The following RHPN1 variants were observed in gnomAD, a reference collection of about 807,000 sequenced individuals.
The protein encoded by RHPN1 is rhophilin-1.
A neutral mutation model predicts 74.7 loss-of-function variants in RHPN1; 77 were observed. The observed-to-expected ratio is 1.03, with a 90% CI of 0.86 to 1.25. The LOEUF (loss-of-function observed/expected upper bound fraction) is 1.25. RHPN1 is among the 50% of genes most tolerant of loss of function. The pLI, the probability that RHPN1 is intolerant of heterozygous loss-of-function variation, is 0.00. For synonymous variants in RHPN1, 444 were observed against 414.5 expected (o/e 1.07, Z -0.87); for missense variants, 987 against 932.2 (o/e 1.06, Z -0.77).
upstream of RHPN1, chr8:143,367,065 G>A (rs995307521): frequency 1.3e-5 from 2 of 152,288 alleles, no homozygotes; most frequent in Non-Finnish European, 2.9e-5. Context: ...CGAAGGGGGT[G>A]GGTGAAGGTC....
At chr8:143,379,716 G>A (rs529759202) in intron 8 of RHPN1, 113 bp from the exon 9 acceptor site, 3 of 1,461,878 alleles carry the variant, frequency 2.1e-6, no homozygotes, top group African/African-American at 2.8e-5. Context: ...AGGAACTGAG[G>A]TGCCAGGGAG....
intron 1 of RHPN1, among the ~76,000 whole-genome samples, chr8:143,375,136 A>G (rs1818127377): frequency 6.6e-6 from 1 of 152,044 alleles, no homozygotes; most frequent in Non-Finnish European, 1.5e-5. Flanking sequence ...AAAAATTGGG[A>G]GGGGCAAGGG....
chr8:143,382,355 G>A, intron 14 of RHPN1, 81 bp from the exon 15 acceptor site: 2 of 1,296,114 alleles, frequency 1.5e-6, no homozygotes, highest in Admixed American at 2.0e-5. Context: ...CTCCCAGGTG[G>A]TTCTCACCCC....
intron 1 of RHPN1, among the ~76,000 whole-genome samples, chr8:143,370,151 ACAAGATGTCCCAGAGGG>A (rs1230196952): frequency 6.6e-6 from 1 of 152,120 alleles, no homozygotes; most frequent in Non-Finnish European, 1.5e-5. Context: ...GGCTGTACAA[ACAAGATGTCCCAGAGGG>A]CTCCGGAGGT....
At chr8:143,364,283 G>A (rs1409218069), upstream of RHPN1, among the ~76,000 whole-genome samples, 1 of 152,170 alleles carries the variant, frequency 6.6e-6, no homozygotes, top group Non-Finnish European at 1.5e-5. The surrounding 1 kb of genome is among the most constrained non-coding windows in gnomAD (Gnocchi z 4.5). Context: ...CTTTTTATTT[G>A]CCAGAAAAGT....
In RHPN1 at chr8:143,379,463, C is replaced by G; in HGVS notation, c.900C>G (p.Pro300=). The G allele has an allele frequency of 1.3e-6, 2 of 1,570,168 alleles. No individual in the cohort carries two copies. The highest frequency in any genetic ancestry group is 1.7e-6 in the Non-Finnish European group (2 of 1,158,216). Residue 300 remains proline, a synonymous_variant, in exon 8 of 15, where the codon CCC becomes CCG. Transcript: ENST00000289013. ...TCTCACCACCTGCCTCCATGGCCCC[C>G]CAAGACTGCCTGGCCCAGCTGCGCC... ...EGLSPPASMA[P]QDCLAQLRLA...
chr8:143,364,571 A>T (rs113881883), upstream of RHPN1, among the ~76,000 whole-genome samples: 4,322 of 150,268 alleles, frequency 0.029, 106 homozygotes, highest in African/African-American at 0.068. This position sits in a 1 kb window ranked among gnomAD's most constrained non-coding sequence, Gnocchi z 4.5. Flanking sequence ...TGCTCCCGGC[A>T]AGCTAATGTT....
intron 10 of RHPN1, 35 bp from the exon 11 acceptor site, chr8:143,380,554 A>T (rs1227081019): frequency 1.4e-6 from 2 of 1,454,560 alleles, no homozygotes; most frequent in Non-Finnish European, 1.8e-6. Flanking sequence ...CCACGGGCCC[A>T]CATGGTGTGT....
chr8:143,382,545 A>T lies in RHPN1; in HGVS notation c.1907A>T (p.Asn636Ile). The T allele has an allele frequency of 6.2e-7, 1 of 1,611,494 alleles. No homozygotes were observed. Among genetic ancestry groups the T allele is most frequent in the South Asian group, 1.1e-5 (1 of 90,942 alleles). ...TGGGCCAGTCCCCGGCCCCTCCTCA[A>T]CTGGAGCCGAAAGGCCCAGCAGGGC... ...STWASPRPLL[N>I]WSRKAQQGKT... The change falls in exon 15 of 15, where the codon AAC becomes ATC. Residue 636 changes from asparagine to isoleucine, a missense_variant. Coordinates refer to ENST00000289013, the MANE Select transcript of RHPN1 (RefSeq NM_052924.3).
At chr8:143,365,443 C>T (rs971385316), upstream of RHPN1, among the ~76,000 whole-genome samples, 2 of 152,192 alleles carry the variant, frequency 1.3e-5, no homozygotes, top group East Asian at 1.9e-4. Flanking sequence ...TCAGTGGTGG[C>T]GTTCCCCTGA....
At chr8:143,364,592 C>T (rs976876523), upstream of RHPN1, among the ~76,000 whole-genome samples, 28 of 145,656 alleles carry the variant, frequency 1.9e-4, 5 homozygotes, top group Admixed American at 1.7e-3. This position sits in a 1 kb window ranked among gnomAD's most constrained non-coding sequence, Gnocchi z 4.5. Flanking sequence ...CTCAGTGGCT[C>T]TTTTTTTTTT....
chr8:143,369,320 C>T (rs925438524), intron 1 of RHPN1, among the ~76,000 whole-genome samples: 1 of 152,202 alleles, frequency 6.6e-6, no homozygotes, highest in Non-Finnish European at 1.5e-5. Flanking sequence ...TCGTGTCCCC[C>T]TTCTGGGCGG....
chr8:143,374,972 C>T (rs1418589682), intron 1 of RHPN1, among the ~76,000 whole-genome samples: 2 of 152,178 alleles, frequency 1.3e-5, no homozygotes, highest in South Asian at 2.1e-4. Context: ...GGTGTGCGTT[C>T]GCTTCGAGAA....
At chr8:143,376,704 C>CACGTGTGT (rs1818247149) in intron 3 of RHPN1, 51 bp downstream of exon 3, 1 of 1,510,684 alleles carries the variant, frequency 6.6e-7, no homozygotes, top group East Asian at 2.5e-5. Context: ...TGCACGTGTG[C>CACGTGTGT]GTGTGTGTGT....
At position 143,381,849 on chromosome 8, in the gene RHPN1, G is replaced by A. The variant is rs1818757436; in HGVS notation, c.1678G>A (p.Gly560Arg). 1.2e-6 allele frequency: 2 copies of A among 1,613,078 alleles called. No homozygotes were observed. Among genetic ancestry groups the A allele is most frequent in the East Asian group, 4.5e-5 (2 of 44,878 alleles). Residue 560 changes from glycine to arginine, a missense_variant, in exon 14 of 15, where the codon GGG becomes AGG. Gly to Arg is a moderately radical substitution (Grantham distance 125). Transcript: ENST00000289013. ...GGGCGACTACATTGTGTCAGTGAAT[G>A]GGCAGCCATGCAGGTGGTGGAGACA... ...KEGDYIVSVN[G>R]QPCRWWRHAE...
In RHPN1 at chr8:143,381,904, C is replaced by A; in HGVS notation, c.1733C>A (p.Ala578Glu). 6.2e-7 allele frequency: 1 copy of A among 1,611,404 alleles called. No homozygotes were observed. Among genetic ancestry groups the A allele is most frequent in the African/African-American group, 1.3e-5 (1 of 75,020 alleles). Reference protein sequence around the residue: ...HAEVVTELKAAGEAGASLQVV... With the variant: ...HAEVVTELKAEGEAGASLQVV... ...GAGGTGGTGACGGAGCTGAAGGCTG[C>A]GGGAGAGGCGGGCGCCAGCCTGCAG... The change falls in exon 14 of 15, where the codon GCG becomes GAG. Residue 578 changes from alanine (A) to glutamate (E), a missense_variant. Coordinates refer to ENST00000289013, the MANE Select transcript of RHPN1 (RefSeq NM_052924.3).
At position 143,379,300 on chromosome 8, in the gene RHPN1, C is replaced by T; in HGVS notation, c.752-15C>T. The T allele has an allele frequency of 5.1e-6, 8 of 1,567,218 alleles. No homozygotes were observed. The highest frequency in any genetic ancestry group is 6.9e-6 in the Non-Finnish European group (8 of 1,153,904). On this transcript the variant is annotated splice_polypyrimidine_tract_variant and intron_variant, in intron 7 of 14. Coordinates refer to ENST00000289013, the MANE Select transcript of RHPN1 (RefSeq NM_052924.3). ...GTACAGGGCCCTGCCTGTGTGAGCA[C>T]CCCTCCCTCCGCAGGGGCCTTCAGC...
Position 143,381,332 on chromosome 8 carries a change from C to G in RHPN1, c.1476C>G (p.Ile492Met). 1 of 1,610,752 alleles carries G rather than the reference C, an allele frequency of 6.2e-7. No homozygotes were observed. The highest frequency in any genetic ancestry group is 8.5e-7 in the Non-Finnish European group (1 of 1,178,882). ...TGTCCCAGGGGAAGGGGCCTGACAT[C>G]TTCCATCGGCTGGTGAGCACACCCG... ...PRLSQGKGPDIFHRLGPLSVF... is the reference protein window; with the variant it reads ...PRLSQGKGPDMFHRLGPLSVF... The change falls in exon 12 of 15, where the codon ATC (isoleucine) becomes ATG (methionine). Residue 492 changes from isoleucine (I) to methionine (M), a missense_variant. Ile to Met is a conservative substitution (Grantham distance 10). Transcript: ENST00000289013.
At chr8:143,368,842 C>G (rs951714932), upstream of RHPN1, 23 of 430,280 alleles carry the variant, frequency 5.3e-5, no homozygotes, top group Admixed American at 6.6e-4. Context: ...GGGCCGCCCC[C>G]ACTCAGGAGG....
Sources: gnomAD v4.1 joint callset for allele counts (sites outside exome capture counted in the v4.1 genomes callset) on GRCh38, gnomAD v4.1.1 for gene constraint, Gnocchi (gnomAD v3.1) non-coding constraint, MANE v1.5 for transcripts, NCBI Gene and HGNC (gene_info 2026-07-23, HGNC 2026-07-21) for gene names.